The following AFG2B variants were observed in gnomAD, a reference collection of about 807,000 sequenced individuals.
AFG2B encodes ATPase family gene 2 protein homolog B.
chr15:45,411,198 C>T, the AFG2B span, among the ~76,000 whole-genome samples: 24 of 151,724 alleles, frequency 1.6e-4, no homozygotes, highest in East Asian at 3.9e-4. Flanking sequence ...AAACCGTGTC[C>T]GGGGGGAAAA....
chr15:45,411,220 C>G, the AFG2B span, among the ~76,000 whole-genome samples: 1 of 152,108 alleles, frequency 6.6e-6, no homozygotes, highest in Admixed American at 6.6e-5. Context: ...AGTGTATAAC[C>G]TATAGTCTTA....
chr15:45,407,446 G>A, the AFG2B span, among the ~76,000 whole-genome samples: 203 of 152,300 alleles, frequency 1.3e-3, 8 homozygotes, highest in South Asian at 0.022. Context: ...ACATGATCTT[G>A]AACTATAAAT....
chr15:45,406,965 GA>G, the AFG2B span: 7 of 1,218,218 alleles, frequency 5.7e-6, no homozygotes, highest in Non-Finnish European at 6.5e-6. Context: ...TCTTTTGAGG[GA>G]GACAATAAGT....
the AFG2B span, among the ~76,000 whole-genome samples, chr15:45,418,362 A>G: frequency 4.6e-5 from 7 of 151,296 alleles, no homozygotes; most frequent in Non-Finnish European, 8.8e-5. Flanking sequence ...AAAAAAAAAA[A>G]AGATTCATAA....
At chr15:45,407,757 A>G in the AFG2B span, among the ~76,000 whole-genome samples, 1 of 152,236 alleles carries the variant, frequency 6.6e-6, no homozygotes, top group East Asian at 1.9e-4. Context: ...GAATTTGTGG[A>G]CAACTAGATG....
At chr15:45,409,466 G>A in the AFG2B span, among the ~76,000 whole-genome samples, 2 of 151,768 alleles carry the variant, frequency 1.3e-5, no homozygotes, top group African/African-American at 4.8e-5. Flanking sequence ...ATAAATTGTT[G>A]CAGCTTCCTT....
the AFG2B span, chr15:45,405,293 CTTTTTT>C: frequency 1.3e-6 from 2 of 1,576,080 alleles, no homozygotes; most frequent in African/African-American, 2.7e-5. Context: ...ACTTCTTCTT[CTTTTTT>C]TTGTTTTGCT....
At chr15:45,420,694 T>TAA in the AFG2B span, among the ~76,000 whole-genome samples, 41 of 148,868 alleles carry the variant, frequency 2.8e-4, no homozygotes, top group African/African-American at 8.9e-4. Flanking sequence ...CATATATTGT[T>TAA]AAAAAAAAAA....
chr15:45,408,908 C>G, the AFG2B span, among the ~76,000 whole-genome samples: 21 of 152,178 alleles, frequency 1.4e-4, no homozygotes, highest in Admixed American at 2.6e-4. Context: ...AACTTTTACT[C>G]CCCTCAACAT....
chr15:45,409,691 T>C, the AFG2B span, among the ~76,000 whole-genome samples: 2 of 151,686 alleles, frequency 1.3e-5, no homozygotes, highest in Non-Finnish European at 2.9e-5. Context: ...GGAGACCGCA[T>C]CTCTACAAAA....
the AFG2B span, among the ~76,000 whole-genome samples, chr15:45,405,993 A>G: frequency 6.6e-6 from 1 of 152,136 alleles, no homozygotes; most frequent in Non-Finnish European, 1.5e-5. Context: ...TTGAGCATAT[A>G]CTACATCCAT....
At chr15:45,417,006 A>C in the AFG2B span, 1 of 293,096 alleles carries the variant, frequency 3.4e-6, no homozygotes, top group Non-Finnish European at 6.5e-6. Context: ...CCCCTTTGGG[A>C]TAAGGCTTTT....
the AFG2B span, chr15:45,402,937 C>T: frequency 6.3e-7 from 1 of 1,598,098 alleles, no homozygotes. Context: ...CGGCGGGACG[C>T]CCAGTCCCGA....
chr15:45,410,338 G>T, the AFG2B span: 2 of 1,593,712 alleles, frequency 1.3e-6, no homozygotes, highest in Admixed American at 1.7e-5. Flanking sequence ...CTAATTTTTG[G>T]TTTGATTTTG....
At chr15:45,408,567 A>T in the AFG2B span, among the ~76,000 whole-genome samples, 1 of 152,244 alleles carries the variant, frequency 6.6e-6, no homozygotes, top group Non-Finnish European at 1.5e-5. Flanking sequence ...AGAGCCTCAC[A>T]TGTAGAGGCA....
At chr15:45,407,045 A>C in the AFG2B span, 2 of 1,289,196 alleles carry the variant, frequency 1.6e-6, no homozygotes, top group Middle Eastern at 2.1e-4. Context: ...GTTTGACCAT[A>C]AGCACCTCTC....
the AFG2B span, chr15:45,418,655 A>G: frequency 1.2e-6 from 2 of 1,613,722 alleles, no homozygotes; most frequent in East Asian, 4.5e-5. Context: ...TTTTTTCTGG[A>G]GCTGATCTTA....
At chr15:45,420,564 T>C in the AFG2B span, among the ~76,000 whole-genome samples, 1 of 152,198 alleles carries the variant, frequency 6.6e-6, no homozygotes, top group Non-Finnish European at 1.5e-5. Flanking sequence ...GAGGTTATGG[T>C]CTGCAAAGTG....
the AFG2B span, among the ~76,000 whole-genome samples, chr15:45,409,715 A>T: frequency 0.32 from 48,275 of 151,374 alleles, 8,732 homozygotes; most frequent in East Asian, 0.83. Context: ...AAATATATAT[A>T]TTTTTTTAAT....
Sources: gnomAD v4.1 joint callset for allele counts (sites outside exome capture counted in the v4.1 genomes callset) on GRCh38, gnomAD v4.1.1 for gene constraint, MANE v1.5 for transcripts, NCBI Gene and HGNC (gene_info 2026-07-23, HGNC 2026-07-21) for gene names.